GPM6B: variants seen among roughly 807,000 people sequenced by gnomAD.
The protein encoded by GPM6B is glycoprotein M6B.
In GPM6B, 4 loss-of-function variants were observed where a neutral mutation model predicts 27.2. That is an observed-to-expected ratio of 0.15 (90% CI 0.07 to 0.34). The LOEUF (loss-of-function observed/expected upper bound fraction) is 0.34, where lower values mean the gene tolerates loss of function less well. Among genes scored for constraint, GPM6B ranks in the 10% least tolerant of loss-of-function variants. The pLI, the probability that GPM6B is intolerant of heterozygous loss-of-function variation, is 1.00. For synonymous variants in GPM6B, 124 were observed against 103.1 expected, an observed-to-expected ratio of 1.20 and a Z score of -1.23; for missense variants, 183 against 261.9, an observed-to-expected ratio of 0.70 and a Z score of 2.08.
At chrX:13,782,996 C>A (rs2048546376) in intron 4 of GPM6B, among the ~76,000 whole-genome samples, 1 of 111,582 alleles carries the variant, frequency 9.0e-6, no homozygotes, top group Non-Finnish European at 1.9e-5. Context: ...GACGATTTTC[C>A]ATGGTTCATG....
chrX:13,886,902 T>C (rs1404568063), intron 1 of GPM6B, among the ~76,000 whole-genome samples: 1 of 110,026 alleles, frequency 9.1e-6, no homozygotes, highest in Non-Finnish European at 1.9e-5. Context: ...CTGCAACCTC[T>C]GTCTCCAGGG....
intron 1 of GPM6B, among the ~76,000 whole-genome samples, chrX:13,925,210 G>A (rs1017083894): frequency 8.9e-6 from 1 of 112,090 alleles, no homozygotes; most frequent in Non-Finnish European, 1.9e-5. Context: ...CTCAGAATCA[G>A]CTTCCCTTCA....
chrX:13,801,540 G>A (rs2048921138), intron 2 of GPM6B, among the ~76,000 whole-genome samples: 1 of 112,271 alleles, frequency 8.9e-6, no homozygotes, highest in African/African-American at 3.2e-5. Flanking sequence ...TTTGCAGGGT[G>A]TATAGTTGCA....
intron 1 of GPM6B, among the ~76,000 whole-genome samples, chrX:13,852,309 T>C (rs2049727266): frequency 9.0e-6 from 1 of 111,665 alleles, no homozygotes; most frequent in South Asian, 3.8e-4. Flanking sequence ...ATTAAGTATG[T>C]AAAATTTTTA....
chrX:13,900,338 G>A (rs1188753412), intron 1 of GPM6B, among the ~76,000 whole-genome samples: 1 of 111,488 alleles, frequency 9.0e-6, no homozygotes, highest in African/African-American at 3.3e-5. Flanking sequence ...GTGTCACTTC[G>A]CCTAGAAAAA....
chrX:13,776,452 T>C (rs748796774), intron 6 of GPM6B, 149 bp from the exon 7 acceptor site: 2 of 444,295 alleles, frequency 4.5e-6, no homozygotes, highest in South Asian at 1.1e-4. Context: ...TCTGGCCTCA[T>C]GGTGGAATCA....
At position 13,923,497 on chromosome X, in the gene GPM6B, G is replaced by A. The variant is rs139388282; in HGVS notation, c.-198+14830C>T. Reference sequence around the variant, plus strand: ...TTGACAGCTGAACAAACTGCTTTCCGGAATAAATCAAGCTCTTGCTACAGC... The same window carrying A: ...TTGACAGCTGAACAAACTGCTTTCCAGAATAAATCAAGCTCTTGCTACAGC... On this transcript the variant is annotated intron_variant, in intron 1 of 6. Coordinates refer to the GPM6B transcript ENST00000398361. Among the ~76,000 whole-genome samples the A allele has an allele frequency of 6.0e-3, 675 of 112,530 alleles. 1 individual carries two copies. Among genetic ancestry groups the A allele is most frequent in the Non-Finnish European group, 0.01 (548 of 53,316 alleles).
At chrX:13,911,214 T>C (rs1307167375) in intron 1 of GPM6B, among the ~76,000 whole-genome samples, 1 of 112,165 alleles carries the variant, frequency 8.9e-6, no homozygotes. Flanking sequence ...GCAATATAAA[T>C]ATACAAAAGT....
chrX:13,848,387 T>A (rs2049675052), intron 1 of GPM6B, among the ~76,000 whole-genome samples: 1 of 111,718 alleles, frequency 9.0e-6, no homozygotes, highest in South Asian at 3.7e-4. Context: ...GTGTACTTCC[T>A]AGGGAACCCG....
At chrX:13,904,070 A>T (rs2050306366) in intron 1 of GPM6B, among the ~76,000 whole-genome samples, 1 of 111,823 alleles carries the variant, frequency 8.9e-6, no homozygotes, top group African/African-American at 3.3e-5. Context: ...AATGTTCTTA[A>T]ATGCACGAAA....
chrX:13,883,671 A>G, intron 1 of GPM6B, among the ~76,000 whole-genome samples: 1 of 82,792 alleles, frequency 1.2e-5, no homozygotes, highest in Non-Finnish European at 2.3e-5. Flanking sequence ...CAGCCTGGGG[A>G]ACATAACGAG....
At chrX:13,783,252 TG>T (rs2048550843) in intron 4 of GPM6B, 112 bp downstream of exon 4, 1 of 604,942 alleles carries the variant, frequency 1.7e-6, no homozygotes, top group Non-Finnish European at 2.6e-6. Flanking sequence ...ATTTGTGTCA[TG>T]GACCCTCCAT....
In GPM6B at chrX:13,789,670, G is replaced by A. The variant is rs186415544; in HGVS notation, c.182-3862C>T. Among the ~76,000 whole-genome samples the A allele has an allele frequency of 5.7e-3, 635 of 111,436 alleles. 6 individuals carry two copies. The highest frequency in any genetic ancestry group is 0.02 in the African/African-American group (615 of 30,713). On this transcript the variant is annotated intron_variant, in intron 2 of 7. Coordinates refer to ENST00000316715, the MANE Select transcript of GPM6B (RefSeq NM_001001995.3). The stretch of plus-strand genomic sequence containing the variant: ...GGCGCCTGTAGTCCCAGCTACTCGG[G>A]AGGCTGAGGCAGGAGAATGGCGTGA...
At chrX:13,931,332 C>A (rs1259465157) in intron 1 of GPM6B, among the ~76,000 whole-genome samples, 6 of 109,665 alleles carry the variant, frequency 5.5e-5, no homozygotes, top group African/African-American at 1.7e-4. Context: ...ACTAAAAATA[C>A]AAAAAATTAG....
At chrX:13,820,656 A>G (rs2049297633), upstream of GPM6B, among the ~76,000 whole-genome samples, 1 of 110,864 alleles carries the variant, frequency 9.0e-6, no homozygotes, top group African/African-American at 3.3e-5. Context: ...TGGTCCCCTT[A>G]ATCTGGATTT....
chrX:13,875,095 G>C (rs1273108860), intron 1 of GPM6B, among the ~76,000 whole-genome samples: 1 of 111,183 alleles, frequency 9.0e-6, no homozygotes, highest in Admixed American at 9.6e-5. Flanking sequence ...GTAATTTCCA[G>C]CTGTTACTAG....
chrX:13,774,501 T>A (rs758992969), intron 7 of GPM6B: 64 of 1,205,350 alleles, frequency 5.3e-5, no homozygotes, highest in Non-Finnish European at 7.1e-5. Flanking sequence ...GTCAGTGATA[T>A]TTCATGCTAC....
At chrX:13,813,854 T>C (rs1409537037) in intron 1 of GPM6B, among the ~76,000 whole-genome samples, 1 of 112,451 alleles carries the variant, frequency 8.9e-6, no homozygotes, top group Non-Finnish European at 1.9e-5. Flanking sequence ...ATTTAAAAAC[T>C]ATCATTTGTA....
chrX:13,920,199 G>A (rs1032920096), intron 1 of GPM6B, among the ~76,000 whole-genome samples: 6 of 101,505 alleles, frequency 5.9e-5, no homozygotes, highest in Non-Finnish European at 1.0e-4. Context: ...CTCAGGAGGC[G>A]GAGGTTGCAG....
Sources: allele counts gnomAD v4.1 joint callset (sites outside exome capture counted in the v4.1 genomes callset), GRCh38; gene constraint gnomAD v4.1.1; transcripts MANE v1.5; gene names NCBI Gene and HGNC (gene_info 2026-07-23, HGNC 2026-07-21).